The following EYS variants were observed in gnomAD, a reference collection of about 807,000 sequenced individuals.
EYS encodes EGF-like photoreceptor maintenance factor.
Under a neutral mutation model 282.1 loss-of-function variants are expected in EYS, and 250 were observed. The observed-to-expected ratio is 0.89, with a 90% CI of 0.80 to 0.98. The LOEUF (loss-of-function observed/expected upper bound fraction) is 0.98. Ranked by LOEUF, EYS falls within the 50% of genes least tolerant of loss-of-function variation. The probability of loss-of-function intolerance (pLI) is 0.00; values close to 1 mark genes in which losing one functional copy is unlikely to be tolerated. For synonymous variants in EYS, 1,355 were observed against 1,282.9 expected, an observed-to-expected ratio of 1.06 and a Z score of -1.20; for missense variants, 4,016 against 3,709.0, an observed-to-expected ratio of 1.08 and a Z score of -2.15.
intron 2 of EYS, among the ~76,000 whole-genome samples, chr6:65,592,847 A>ATAATTAAAATGAAT (rs1765278369): frequency 6.6e-6 from 1 of 152,012 alleles, no homozygotes. Context: ...CAACATGTTT[A>ATAATTAAAATGAAT]TAATTAAAAT....
chr6:64,912,641 G>C lies in EYS; in HGVS notation c.2484C>G (p.Thr828=). 6.5e-7 allele frequency: 1 copy of C among 1,549,530 alleles called. No homozygotes were observed. The highest frequency in any genetic ancestry group is 8.7e-7 in the Non-Finnish European group (1 of 1,145,582). Residue 828 remains threonine (T), a synonymous_variant, in exon 16 of 43, where the codon ACC becomes ACG. Coordinates refer to ENST00000503581, the MANE Select transcript of EYS (RefSeq NM_001142800.2). ...CMNGGLCHES[T]IPGQFVCLCP... ...ACAGACATACAAATTGTCCAGGGAT[G>C]GTAGATTCATGACAAAGACCTCCAT...
At chr6:65,079,857 T>C (rs1050240625) in intron 12 of EYS, among the ~76,000 whole-genome samples, 9 of 152,090 alleles carry the variant, frequency 5.9e-5, no homozygotes, top group Non-Finnish European at 1.3e-4. Flanking sequence ...TGATGTAACC[T>C]CCCTTATTGT....
chr6:64,921,864 T>C (rs1768355103), intron 15 of EYS, among the ~76,000 whole-genome samples: 1 of 151,944 alleles, frequency 6.6e-6, no homozygotes, highest in Admixed American at 6.6e-5. Flanking sequence ...AGAGCAGATA[T>C]GAAGAGCAGG....
At chr6:64,017,916 C>T (rs908554865) in intron 33 of EYS, among the ~76,000 whole-genome samples, 5 of 152,146 alleles carry the variant, frequency 3.3e-5, no homozygotes, top group Non-Finnish European at 5.9e-5. Flanking sequence ...TTTTCATTGA[C>T]CTTCTAAACC....
At chr6:65,570,745 G>A (rs771058123) in intron 2 of EYS, among the ~76,000 whole-genome samples, 1 of 152,112 alleles carries the variant, frequency 6.6e-6, no homozygotes, top group Non-Finnish European at 1.5e-5. Context: ...AAAAAGAAAG[G>A]TTTTGTTTAT....
At chr6:64,502,735 A>C (rs375621330) in intron 26 of EYS, among the ~76,000 whole-genome samples, 13 of 152,226 alleles carry the variant, frequency 8.5e-5, no homozygotes, top group African/African-American at 2.4e-4. Flanking sequence ...CCTGCAGGAA[A>C]ACTAACATAA....
chr6:64,507,018 A>G (rs1020351158), intron 26 of EYS, among the ~76,000 whole-genome samples: 1 of 145,812 alleles, frequency 6.9e-6, no homozygotes, highest in African/African-American at 2.7e-5. Context: ...AATATGAAAA[A>G]TCTTTAGAAT....
At chr6:64,020,215 A>C (rs1308737853) in intron 33 of EYS, among the ~76,000 whole-genome samples, 1 of 152,320 alleles carries the variant, frequency 6.6e-6, no homozygotes, top group Admixed American at 6.5e-5. Context: ...GACTAGAGGA[A>C]CTGAAATGCA....
intron 31 of EYS, among the ~76,000 whole-genome samples, chr6:64,118,126 C>T (rs1307226634): frequency 1.3e-5 from 2 of 151,904 alleles, no homozygotes; most frequent in Non-Finnish European, 2.9e-5. Context: ...CCCCAGGTGA[C>T]CTACAGATTA....
intron 15 of EYS, among the ~76,000 whole-genome samples, chr6:64,941,437 G>T (rs1769087883): frequency 6.6e-6 from 1 of 151,988 alleles, no homozygotes; most frequent in South Asian, 2.1e-4. Flanking sequence ...AATAGCAATA[G>T]CTACTAAGAA....
intron 5 of EYS, among the ~76,000 whole-genome samples, chr6:65,437,407 GAA>G (rs1768115988): frequency 6.6e-6 from 1 of 152,048 alleles, no homozygotes; most frequent in East Asian, 1.9e-4. Context: ...AATATAGAAA[GAA>G]AAAGGGAATT....
At chr6:65,036,918 T>TA (rs1297139869) in intron 13 of EYS, among the ~76,000 whole-genome samples, 1 of 151,896 alleles carries the variant, frequency 6.6e-6, no homozygotes, top group Non-Finnish European at 1.5e-5. Context: ...TCAAAGAACT[T>TA]AAAACAGAAT....
chr6:64,233,940 T>C (rs931354696), intron 30 of EYS, among the ~76,000 whole-genome samples: 47 of 152,134 alleles, frequency 3.1e-4, no homozygotes, highest in Admixed American at 6.6e-5. Context: ...GCCTGAAGGA[T>C]TTTGCTCATT....
chr6:64,817,589 C>T (rs967602231), intron 21 of EYS, among the ~76,000 whole-genome samples: 6 of 152,060 alleles, frequency 3.9e-5, no homozygotes, highest in South Asian at 2.1e-4. Flanking sequence ...GTCATTTTTT[C>T]GAACCATTCT....
intron 2 of EYS, among the ~76,000 whole-genome samples, chr6:65,541,046 T>C (rs1055776740): frequency 2.0e-5 from 3 of 152,086 alleles, no homozygotes; most frequent in South Asian, 4.2e-4. Flanking sequence ...ATTGCCTATA[T>C]AGTTTGCATA....
chr6:64,916,856 T>C lies in EYS; in HGVS notation c.2382-4113A>G, dbSNP rs113257436. Among the ~76,000 whole-genome samples the C allele has an allele frequency of 7.2e-4, 110 of 152,332 alleles. 1 individual carries two copies. The highest frequency in any genetic ancestry group is 2.1e-3 in the Admixed American group (32 of 15,304). ...TCTAAATTCATTGGTGTAAAATACA[T>C]TGAACACTTCTAAGGACAACTTTTC... is the stretch of plus-strand genomic sequence containing the variant. On this transcript the variant is annotated intron_variant, in intron 15 of 42. Transcript: ENST00000503581.
rs1773724746 is a variant in EYS at position 64,125,154 on chromosome 6, G to GCGCGCGCGCGCTC, written c.6425-43153_6425-43152insGAGCGCGCGCGCG. On this transcript the variant is annotated intron_variant, in intron 31 of 42. Transcript: ENST00000503581. ...TCAAACACACACACACACACTCTCT[G>GCGCGCGCGCGCTC]TCTCTCTCTCTCTCTCTCTCTCGCT... 2.3e-4 allele frequency among the ~76,000 whole-genome samples: 34 copies of GCGCGCGCGCGCTC among 145,328 alleles called. 1 individual carries two copies. Among genetic ancestry groups the GCGCGCGCGCGCTC allele is most frequent in the African/African-American group, 8.6e-4 (33 of 38,478 alleles).
At chr6:65,322,297 G>A (rs1251700824) in intron 11 of EYS, among the ~76,000 whole-genome samples, 1 of 152,130 alleles carries the variant, frequency 6.6e-6, no homozygotes, top group Admixed American at 6.5e-5. Context: ...GTTTTAAGCC[G>A]AGGCATGAAA....
chr6:65,207,566 C>G (rs569097852), intron 12 of EYS, among the ~76,000 whole-genome samples: 1 of 151,646 alleles, frequency 6.6e-6, no homozygotes, highest in Non-Finnish European at 1.5e-5. Context: ...GCCTAAATAG[C>G]AAAAACAATC....
Sources: gnomAD v4.1 joint callset for allele counts (sites outside exome capture counted in the v4.1 genomes callset) on GRCh38, gnomAD v4.1.1 for gene constraint, MANE v1.5 for transcripts, NCBI Gene and HGNC (gene_info 2026-07-23, HGNC 2026-07-21) for gene names.